The following PLAC1 variants were observed in gnomAD, a reference collection of about 807,000 sequenced individuals.
PLAC1 encodes the protein placenta-specific protein 1.
For missense variants in PLAC1, 136 were observed against 163.2 expected, an observed-to-expected ratio of 0.83 and a Z score of 0.91; for synonymous variants, 68 against 62.1, an observed-to-expected ratio of 1.09 and a Z score of -0.44.
intron 1 of PLAC1, among the ~76,000 whole-genome samples, chrX:134,616,794 T>A (rs1331421231): frequency 9.2e-6 from 1 of 108,280 alleles, no homozygotes; most frequent in Non-Finnish European, 1.9e-5. Flanking sequence ...TTTTTTTTTT[T>A]AGACAGAGTC....
intron 2 of PLAC1, among the ~76,000 whole-genome samples, chrX:134,590,859 C>G (rs771484674): frequency 9.9e-6 from 1 of 101,304 alleles, no homozygotes; most frequent in Non-Finnish European, 2.0e-5. Flanking sequence ...CACCCTCCCC[C>G]CCCACCCCAC....
chrX:134,643,727 T>C (rs1234247940), intron 1 of PLAC1, among the ~76,000 whole-genome samples: 1 of 111,112 alleles, frequency 9.0e-6, no homozygotes, highest in East Asian at 2.8e-4. Flanking sequence ...AAATTAGAAA[T>C]ACAAGGAAAC....
At chrX:134,574,055 T>TTC (rs1329519488) in intron 2 of PLAC1, among the ~76,000 whole-genome samples, 5 of 105,189 alleles carry the variant, frequency 4.8e-5, no homozygotes, top group Admixed American at 1.0e-4. Context: ...AAGATAAATT[T>TTC]TCTCTCTCTC....
chrX:134,591,248 C>T (rs1331257581), intron 2 of PLAC1, among the ~76,000 whole-genome samples: 1 of 112,280 alleles, frequency 8.9e-6, no homozygotes, highest in Non-Finnish European at 1.9e-5. Flanking sequence ...TGTACACATA[C>T]ACATGTGTGA....
At chrX:134,639,233 G>A (rs112935924) in intron 1 of PLAC1, among the ~76,000 whole-genome samples, 1 of 111,541 alleles carries the variant, frequency 9.0e-6, no homozygotes, top group East Asian at 2.8e-4. Context: ...AGCTGACATA[G>A]GTCTACATGA....
rs1231381126 is a variant in PLAC1 at position 134,565,933 on chromosome X, C to G, written c.*111G>C. The G allele has an allele frequency of 6.7e-6, 4 of 593,844 alleles. No homozygotes were observed. In the East Asian group the frequency reaches 1.3e-4, roughly 19 times the overall value. The allele number at this position is 593,844 out of a possible 1,213,427, so 48.9% of individuals were successfully genotyped here. ...ATTCATGAAGTTGCTATAGGTTTCT[C>G]TTTCTCAAAAGTGCTCACATGAGGG... On this transcript the variant is annotated 3_prime_UTR_variant, in exon 3 of 3. Coordinates refer to ENST00000359237, the MANE Select transcript of PLAC1 (RefSeq NM_021796.4).
chrX:134,632,326 G>C (rs2078266198), intron 1 of PLAC1, among the ~76,000 whole-genome samples: 1 of 112,205 alleles, frequency 8.9e-6, no homozygotes, highest in Non-Finnish European at 1.9e-5. Context: ...ATTGGGGTCT[G>C]TAGGACCTAC....
intron 1 of PLAC1, among the ~76,000 whole-genome samples, chrX:134,734,917 G>C (rs767064479): frequency 3.6e-5 from 4 of 110,491 alleles, no homozygotes; most frequent in African/African-American, 1.3e-4. Context: ...ATGGAGCCTC[G>C]AAAATAGCCA....
chrX:134,663,069 A>G (rs2078422174), upstream of PLAC1, among the ~76,000 whole-genome samples: 1 of 112,791 alleles, frequency 8.9e-6, no homozygotes, highest in Admixed American at 9.4e-5. Flanking sequence ...TTGTCTCAGT[A>G]GCTGTTACAT....
Position 134,762,171 on chromosome X carries a change from T to C in PLAC1, n.89+2063A>G, listed in dbSNP as rs140493453. Among the ~76,000 whole-genome samples, 78 of 103,256 alleles carry C rather than the reference T, an allele frequency of 7.6e-4. No individual in the cohort carries two copies. In the East Asian group the frequency reaches 0.021, roughly 28 times the overall value. 89.7% of individuals were successfully genotyped at this position (103,256 alleles called of 115,157 possible). A position where few individuals can be genotyped will look rare whatever the true frequency, so the allele number is the denominator to read the frequency against. On this transcript the variant is annotated intron_variant and non_coding_transcript_variant, in intron 1 of 2. Transcript: ENST00000466797. ...CTAAGCAAACATCAGTCAGGTCACA[T>C]AGAACATTCCAGAACTGTTGAGGCA... is the stretch of plus-strand genomic sequence containing the variant.
intron 2 of PLAC1, among the ~76,000 whole-genome samples, chrX:134,671,642 A>C (rs1235956718): frequency 9.1e-6 from 1 of 110,353 alleles, no homozygotes; most frequent in Non-Finnish European, 1.9e-5. Flanking sequence ...ACACACTTTT[A>C]AACCATCAGA....
At chrX:134,602,174 GTC>G (rs1569383977) in intron 1 of PLAC1, 52 bp from the exon 2 acceptor site, 1 of 112,366 alleles carries the variant, frequency 8.9e-6, no homozygotes, top group African/African-American at 3.2e-5. Context: ...ATGAAGAAAG[GTC>G]TTTTTCCCAA....
At chrX:134,644,267 T>C (rs1480769576) in intron 1 of PLAC1, among the ~76,000 whole-genome samples, 1 of 111,419 alleles carries the variant, frequency 9.0e-6, no homozygotes, top group African/African-American at 3.3e-5. Context: ...AAATGAGGTC[T>C]GTGTCTGTCA....
intron 1 of PLAC1, among the ~76,000 whole-genome samples, chrX:134,749,858 A>G (rs745414565): frequency 9.0e-5 from 10 of 111,302 alleles, no homozygotes; most frequent in Non-Finnish European, 1.7e-4. Flanking sequence ...CAGTGCTATA[A>G]TTTTTCTAGC....
chrX:134,758,617 A>G (rs142282169), intron 1 of PLAC1, among the ~76,000 whole-genome samples: 38 of 112,022 alleles, frequency 3.4e-4, no homozygotes, highest in African/African-American at 1.2e-3. Context: ...TTGGACCCCT[A>G]TCTCTTACCA....
intron 1 of PLAC1, among the ~76,000 whole-genome samples, chrX:134,734,664 C>T (rs1412763760): frequency 8.9e-6 from 1 of 111,844 alleles, no homozygotes; most frequent in East Asian, 2.8e-4. Flanking sequence ...TAAGGAATGG[C>T]GTTCCCTCCC....
chrX:134,597,616 GT>G (rs756359457), intron 2 of PLAC1, among the ~76,000 whole-genome samples: 1 of 111,697 alleles, frequency 9.0e-6, no homozygotes, highest in South Asian at 3.7e-4. Flanking sequence ...GGTTTTAGTG[GT>G]TTTTTTCTGA....
At chrX:134,719,995 G>C (rs979900822) in intron 2 of PLAC1, among the ~76,000 whole-genome samples, 12 of 111,274 alleles carry the variant, frequency 1.1e-4, no homozygotes, top group Non-Finnish European at 1.5e-4. Flanking sequence ...GGAAGTTCTA[G>C]CTGGGCTAAA....
intron 2 of PLAC1, among the ~76,000 whole-genome samples, chrX:134,700,516 C>T (rs900337334): frequency 9.0e-6 from 1 of 111,611 alleles, no homozygotes; most frequent in Non-Finnish European, 1.9e-5. Context: ...TCTTCACTGA[C>T]AATATGAGTC....
Sources: allele counts gnomAD v4.1 joint callset (sites outside exome capture counted in the v4.1 genomes callset), GRCh38; gene constraint gnomAD v4.1.1; transcripts MANE v1.5; gene names NCBI Gene and HGNC (gene_info 2026-07-23, HGNC 2026-07-21).